Variants in LRRTM4 observed in about 807,000 individuals in gnomAD.
LRRTM4 encodes leucine rich repeat transmembrane neuronal 4.
A neutral mutation model predicts 47.6 loss-of-function variants in LRRTM4; 25 were observed. The ratio of observed to expected loss-of-function variants is 0.53; its 90% confidence interval spans 0.38 to 0.73. The LOEUF is 0.73. LRRTM4 is among the 30% of genes least tolerant of loss of function. The probability of loss-of-function intolerance (pLI) is 0.00; values close to 1 mark genes in which losing one functional copy is unlikely to be tolerated. For synonymous variants in LRRTM4, 311 were observed against 269.5 expected (o/e 1.15, Z -1.51); for missense variants, 638 against 713.4 (o/e 0.89, Z 1.20).
At chr2:77,460,996 AAAGT>A (rs780436561) in intron 3 of LRRTM4, among the ~76,000 whole-genome samples, 9 of 152,142 alleles carry the variant, frequency 5.9e-5, no homozygotes, top group Non-Finnish European at 1.3e-4. Context: ...TGAAAATTAT[AAAGT>A]AAGTAATTAA....
chr2:76,778,939 C>T (rs1332117379), intron 3 of LRRTM4, among the ~76,000 whole-genome samples: 3 of 151,048 alleles, frequency 2.0e-5, no homozygotes, highest in Non-Finnish European at 2.9e-5. Flanking sequence ...TGAATGCATC[C>T]CAGAGATTCT....
chr2:76,801,042 G>A (rs1412393752), intron 3 of LRRTM4, among the ~76,000 whole-genome samples: 2 of 148,424 alleles, frequency 1.3e-5, no homozygotes, highest in African/African-American at 5.0e-5. Context: ...TGGAGAAATA[G>A]GAACACTTTT....
Position 77,253,630 on chromosome 2 carries a change from G to T in LRRTM4, c.1551+264688C>A, listed in dbSNP as rs73940864. 5.1e-3 allele frequency among the ~76,000 whole-genome samples: 773 copies of T among 152,130 alleles called. 7 individuals are homozygous for T. The highest frequency in any genetic ancestry group is 0.018 in the African/African-American group (736 of 41,524). On this transcript the variant is annotated intron_variant, in intron 3 of 3. Transcript: ENST00000409884. Reference sequence around the variant, plus strand: ...ATGCCAACAATGAGAAGATGTCAACGTGAGAAGTATCTGAGAAGCATTTTA... The same window carrying T: ...ATGCCAACAATGAGAAGATGTCAACTTGAGAAGTATCTGAGAAGCATTTTA...
intron 3 of LRRTM4, among the ~76,000 whole-genome samples, chr2:77,439,585 A>T (rs1675751691): frequency 6.6e-6 from 1 of 152,146 alleles, no homozygotes; most frequent in African/African-American, 2.4e-5. Context: ...CTATTTTTCC[A>T]ATTTTATTTT....
intron 3 of LRRTM4, among the ~76,000 whole-genome samples, chr2:76,947,229 T>TG (rs1675350953): frequency 6.6e-6 from 1 of 151,712 alleles, no homozygotes; most frequent in Non-Finnish European, 1.5e-5. Context: ...TAAATGCACT[T>TG]GATCCTGAGA....
At chr2:76,943,741 A>G (rs868686955) in intron 3 of LRRTM4, among the ~76,000 whole-genome samples, 4 of 151,622 alleles carry the variant, frequency 2.6e-5, no homozygotes, top group African/African-American at 9.7e-5. Flanking sequence ...TCTCAAATCT[A>G]CTTCTCCTCT....
chr2:77,155,158 T>C (rs987925599), intron 3 of LRRTM4, among the ~76,000 whole-genome samples: 15 of 152,132 alleles, frequency 9.9e-5, no homozygotes, highest in African/African-American at 3.6e-4. Context: ...TACATTTTGA[T>C]TTTAAATACA....
rs1671319682 is a variant in LRRTM4 at position 76,830,532 on chromosome 2, GT to G, written c.1552-81617del. ...AGTGTGTGCGTGTGTGTGTGTGTGT[GT>G]GTGTGTGTGTGTGTTTCTGCACTAG... On this transcript the variant is annotated intron_variant, in intron 3 of 3. Coordinates refer to ENST00000409884, the MANE Select transcript of LRRTM4 (RefSeq NM_001134745.3). Among the ~76,000 whole-genome samples, 4 of 150,338 alleles carry G rather than the reference GT, an allele frequency of 2.7e-5. No homozygotes were observed. In the Admixed American group the frequency reaches 2.7e-4, roughly 10 times the overall value.
intron 3 of LRRTM4, among the ~76,000 whole-genome samples, chr2:76,853,577 A>G (rs1672061079): frequency 6.6e-6 from 1 of 152,128 alleles, no homozygotes; most frequent in Non-Finnish European, 1.5e-5. Flanking sequence ...TATGTATTTA[A>G]AAGTTACCTC....
chr2:76,824,660 G>A (rs1257190493), intron 3 of LRRTM4, among the ~76,000 whole-genome samples: 1 of 148,758 alleles, frequency 6.7e-6, no homozygotes, highest in Non-Finnish European at 1.5e-5. Context: ...GCTGTTTGTG[G>A]ATATTTGCAT....
At position 77,021,018 on chromosome 2, in the gene LRRTM4, T is replaced by C. The variant is rs115481070; in HGVS notation, c.1552-272102A>G. 6.3e-3 allele frequency among the ~76,000 whole-genome samples: 966 copies of C among 152,288 alleles called. 15 individuals carry two copies. Among genetic ancestry groups the C allele is most frequent in the African/African-American group, 0.022 (923 of 41,568 alleles). On this transcript the variant is annotated intron_variant, in intron 3 of 3. Transcript: ENST00000409884. ...TATATGCTTGGAGCATGAAGGTATA[T>C]AACTCAGTTTTTCAGTTTGTGGGTC... is the stretch of plus-strand genomic sequence containing the variant.
chr2:77,026,350 T>C (rs556161542), intron 3 of LRRTM4, among the ~76,000 whole-genome samples: 9 of 152,170 alleles, frequency 5.9e-5, no homozygotes, highest in Admixed American at 5.9e-4. Flanking sequence ...AAAGTTAAAA[T>C]CCTTGTGCAA....
At chr2:77,091,699 C>A (rs62172165) in intron 3 of LRRTM4, among the ~76,000 whole-genome samples, 184 of 142,920 alleles carry the variant, frequency 1.3e-3, no homozygotes, top group African/African-American at 4.3e-3. Context: ...CCCTGACACC[C>A]ATCAAGCTCA....
intron 3 of LRRTM4, among the ~76,000 whole-genome samples, chr2:76,774,390 C>A (rs779935956): frequency 1.1e-4 from 17 of 152,180 alleles, no homozygotes; most frequent in South Asian, 8.3e-4. Flanking sequence ...AGGGGTTTCA[C>A]CATGTTGGCC....
intron 3 of LRRTM4, among the ~76,000 whole-genome samples, chr2:77,063,349 A>G (rs185188927): frequency 6.6e-6 from 1 of 152,082 alleles, no homozygotes; most frequent in Non-Finnish European, 1.5e-5. Context: ...CTTGTTTTAC[A>G]TCTCTTGGGT....
At chr2:77,431,849 G>C (rs1373266058) in intron 3 of LRRTM4, among the ~76,000 whole-genome samples, 1 of 149,012 alleles carries the variant, frequency 6.7e-6, no homozygotes, top group South Asian at 2.1e-4. Flanking sequence ...GCTGAGGAGG[G>C]CGGATCATGA....
intron 3 of LRRTM4, among the ~76,000 whole-genome samples, chr2:76,841,349 A>G (rs1366708537): frequency 6.6e-6 from 1 of 151,890 alleles, no homozygotes; most frequent in African/African-American, 2.4e-5. Flanking sequence ...TGGGTGCAGC[A>G]CACCAACATG....
At chr2:76,784,835 T>A (rs1295147675) in intron 3 of LRRTM4, among the ~76,000 whole-genome samples, 1 of 152,024 alleles carries the variant, frequency 6.6e-6, no homozygotes, top group Non-Finnish European at 1.5e-5. Flanking sequence ...AAATATACCT[T>A]AAAGGAAACT....
chr2:77,350,253 G>T (rs1437158608), intron 3 of LRRTM4, among the ~76,000 whole-genome samples: 1 of 142,204 alleles, frequency 7.0e-6, no homozygotes, highest in African/African-American at 2.6e-5. Context: ...GTGAACCCGG[G>T]AAGCGGAGCT....
Sources: allele counts gnomAD v4.1 joint callset (sites outside exome capture counted in the v4.1 genomes callset), GRCh38; gene constraint gnomAD v4.1.1; transcripts MANE v1.5; gene names NCBI Gene and HGNC (gene_info 2026-07-23, HGNC 2026-07-21).